Variants in ATG4C observed in about 807,000 individuals in gnomAD.
ATG4C encodes autophagy related 4C cysteine peptidase.
In ATG4C, 56 loss-of-function variants were observed where a neutral mutation model predicts 57.6. That is an observed-to-expected ratio of 0.97 (90% CI 0.78 to 1.21). The LOEUF is 1.21. Ranked by LOEUF, ATG4C falls within the 50% of genes most tolerant of loss-of-function variation. The pLI, the probability that ATG4C is intolerant of heterozygous loss-of-function variation, is 0.00. For synonymous variants in ATG4C, 157 were observed against 174.1 expected, an observed-to-expected ratio of 0.90 and a Z score of 0.78; for missense variants, 595 against 529.8, an observed-to-expected ratio of 1.12 and a Z score of -1.21.
rs375501228 is a variant in ATG4C at position 62,827,849 on chromosome 1, C to A, written c.797-1191C>A. ...AGTAGACCCGAGTGTCTGTTGTTCC[C>A]TTCTTTGTGTTCATGAGTTCTAATC... On this transcript the variant is annotated intron_variant, in intron 6 of 10. Transcript: ENST00000317868. Among the ~76,000 whole-genome samples the A allele has an allele frequency of 3.5e-4, 53 of 152,214 alleles. 1 individual carries two copies. The South Asian group carries it at 0.011, about 32-fold the overall frequency.
chr1:62,792,883 G>C (rs1664326753), intron 1 of ATG4C, among the ~76,000 whole-genome samples: 1 of 123,840 alleles, frequency 8.1e-6, no homozygotes, highest in Non-Finnish European at 1.6e-5. Flanking sequence ...TCTCAGGGTG[G>C]TAGTGATTTT....
chr1:62,826,225 C>T (rs533315110), intron 6 of ATG4C, among the ~76,000 whole-genome samples: 2 of 116,056 alleles, frequency 1.7e-5, no homozygotes, highest in East Asian at 2.7e-4. Flanking sequence ...ATCACCTCTA[C>T]GTGACCATTC....
At chr1:62,851,869 G>T (rs149647819) in intron 10 of ATG4C, among the ~76,000 whole-genome samples, 3 of 152,148 alleles carry the variant, frequency 2.0e-5, no homozygotes, top group Non-Finnish European at 4.4e-5. Context: ...GGATCAGTGA[G>T]CAACAGCAGT....
At chr1:62,788,629 G>A (rs1664165939) in intron 1 of ATG4C, among the ~76,000 whole-genome samples, 1 of 152,096 alleles carries the variant, frequency 6.6e-6, no homozygotes, top group Non-Finnish European at 1.5e-5. Flanking sequence ...CTAATATGCA[G>A]TCCATATTCA....
chr1:62,834,131 A>G lies in ATG4C; in HGVS notation c.1012+15A>G. 6.2e-7 allele frequency: 1 copy of G among 1,603,744 alleles called. No homozygotes were observed. Among genetic ancestry groups the G allele is most frequent in the Non-Finnish European group, 8.5e-7 (1 of 1,173,000 alleles). ...TGGATTTCAAGGTTAGTGATTTAGT[A>G]AAATATATTTCTTCATTGTTTTCTT... is the stretch of plus-strand genomic sequence containing the variant. On this transcript the variant is annotated intron_variant, in intron 8 of 10. Transcript: ENST00000317868.
At chr1:62,837,037 T>C (rs1666020465) in intron 9 of ATG4C, among the ~76,000 whole-genome samples, 1 of 152,150 alleles carries the variant, frequency 6.6e-6, no homozygotes, top group Non-Finnish European at 1.5e-5. Context: ...ATTTCTTTCT[T>C]TTTTAATGAG....
intron 9 of ATG4C, 79 bp from the exon 10 acceptor site, chr1:62,841,349 T>C (rs764304268): frequency 4.4e-5 from 55 of 1,242,310 alleles, no homozygotes; most frequent in South Asian, 1.1e-4. Flanking sequence ...AAAAGCTAGA[T>C]AGAAAATTTT....
chr1:62,818,688 A>G (rs554770132), intron 4 of ATG4C, among the ~76,000 whole-genome samples: 81 of 152,202 alleles, frequency 5.3e-4, no homozygotes, highest in Middle Eastern at 3.4e-3. Flanking sequence ...TATAACCTAT[A>G]TACCATAAAT....
chr1:62,799,102 A>G (rs1664569627), intron 1 of ATG4C, among the ~76,000 whole-genome samples: 1 of 152,126 alleles, frequency 6.6e-6, no homozygotes, highest in Non-Finnish European at 1.5e-5. Flanking sequence ...TTAATTTTAT[A>G]GGGAGAAAAA....
intron 6 of ATG4C, among the ~76,000 whole-genome samples, chr1:62,823,072 C>T (rs1665533781): frequency 6.6e-6 from 1 of 152,164 alleles, no homozygotes; most frequent in Non-Finnish European, 1.5e-5. Context: ...GGGAGGATCA[C>T]TTGAGCCCTG....
chr1:62,858,684 A>G (rs1233181504), intron 10 of ATG4C, among the ~76,000 whole-genome samples: 1 of 152,224 alleles, frequency 6.6e-6, no homozygotes, highest in African/African-American at 2.4e-5. Context: ...GTATTTTAAG[A>G]AAGAAATACT....
chr1:62,818,968 TA>T, intron 4 of ATG4C, 36 bp from the exon 5 acceptor site: 1 of 1,421,894 alleles, frequency 7.0e-7, no homozygotes. Flanking sequence ...AGTATCTATT[TA>T]AAAGATCTGA....
At chr1:62,784,570 G>A (rs916573558) in intron 1 of ATG4C, among the ~76,000 whole-genome samples, 1 of 152,076 alleles carries the variant, frequency 6.6e-6, no homozygotes, top group African/African-American at 2.4e-5. Flanking sequence ...TCTTTCCCCT[G>A]ATCTATCGCA....
At chr1:62,811,040 T>C (rs1665067370) in intron 3 of ATG4C, among the ~76,000 whole-genome samples, 1 of 152,208 alleles carries the variant, frequency 6.6e-6, no homozygotes, top group Non-Finnish European at 1.5e-5. Context: ...CTGTGGCATT[T>C]ATCTGATGGA....
intron 10 of ATG4C, among the ~76,000 whole-genome samples, chr1:62,852,068 G>A (rs2100358522): frequency 6.6e-6 from 1 of 152,210 alleles, no homozygotes; most frequent in East Asian, 1.9e-4. Flanking sequence ...GCAATAATTT[G>A]TATTCATTCA....
chr1:62,819,419 T>C, intron 5 of ATG4C, 84 bp downstream of exon 5: 7 of 1,101,894 alleles, frequency 6.4e-6, no homozygotes, highest in Non-Finnish European at 7.5e-6. Context: ...GTATATATAA[T>C]TGGAACTTTA....
chr1:62,784,998 TG>T (rs1202373601), intron 1 of ATG4C, among the ~76,000 whole-genome samples: 17 of 152,352 alleles, frequency 1.1e-4, no homozygotes, highest in African/African-American at 4.1e-4. Context: ...CGTTTTGTAT[TG>T]GTTATTTACC....
rs146795558 is a variant in ATG4C, at chr1:62,844,206, T to G, written c.1209+2659T>G. On this transcript the variant is annotated intron_variant, in intron 10 of 10. Coordinates refer to ENST00000317868, the MANE Select transcript of ATG4C (RefSeq NM_032852.4). Reference sequence around the variant, plus strand: ...GGTGTGGCCTGGGAGTCTCCATTTCTGGCAAGCCTCCCACACAGTCTTGTG... The same window carrying G: ...GGTGTGGCCTGGGAGTCTCCATTTCGGGCAAGCCTCCCACACAGTCTTGTG... Among the ~76,000 whole-genome samples the G allele has an allele frequency of 3.2e-3, 483 of 152,298 alleles. 3 individuals are homozygous for G. Among genetic ancestry groups the G allele is most frequent in the African/African-American group, 0.011 (466 of 41,558 alleles).
At chr1:62,800,414 T>G (rs951195237) in intron 1 of ATG4C, among the ~76,000 whole-genome samples, 2 of 152,212 alleles carry the variant, frequency 1.3e-5, no homozygotes, top group Non-Finnish European at 1.5e-5. Context: ...TTTCTTACTT[T>G]CTAACTCCCT....
Sources: allele counts gnomAD v4.1 joint callset (sites outside exome capture counted in the v4.1 genomes callset), GRCh38; gene constraint gnomAD v4.1.1; transcripts MANE v1.5; gene names NCBI Gene and HGNC (gene_info 2026-07-23, HGNC 2026-07-21).